Variants in CDH13 observed in about 807,000 individuals in gnomAD.
CDH13 encodes the protein cadherin 13.
In CDH13, 24 loss-of-function variants were observed where a neutral mutation model predicts 63.8. The observed-to-expected ratio is 0.38, with a 90% CI of 0.27 to 0.53. The LOEUF (loss-of-function observed/expected upper bound fraction) is 0.53, where lower values mean the gene tolerates loss of function less well. Among genes scored for constraint, CDH13 ranks in the 20% least tolerant of loss-of-function variants. CDH13 has a pLI of 0.85. For synonymous variants in CDH13, 503 were observed against 355.3 expected (o/e 1.42, Z -4.67); for missense variants, 1,049 against 903.1 (o/e 1.16, Z -2.07).
chr16:83,265,923 T>C (rs1195116669), intron 5 of CDH13, among the ~76,000 whole-genome samples: 1 of 151,634 alleles, frequency 6.6e-6, no homozygotes, highest in Non-Finnish European at 1.5e-5. Context: ...GTATCTGTAG[T>C]TATTTTCGGT....
chr16:83,280,397 A>G (rs551469946), intron 5 of CDH13, among the ~76,000 whole-genome samples: 35 of 152,180 alleles, frequency 2.3e-4, no homozygotes, highest in Non-Finnish European at 4.1e-4. Flanking sequence ...TTATGATGAG[A>G]TGGCAGGAAT....
intron 11 of CDH13, among the ~76,000 whole-genome samples, chr16:83,755,865 A>G (rs1913469331): frequency 6.6e-6 from 1 of 152,250 alleles, no homozygotes; most frequent in Admixed American, 6.5e-5. Flanking sequence ...AGAAACATAA[A>G]TAAAAATAGA....
At chr16:83,391,210 C>CTTT (rs372320805) in intron 6 of CDH13, among the ~76,000 whole-genome samples, 2 of 144,556 alleles carry the variant, frequency 1.4e-5, no homozygotes, top group African/African-American at 2.5e-5. Context: ...TGCCTACACA[C>CTTT]TTTTTTTTTT....
intron 6 of CDH13, among the ~76,000 whole-genome samples, chr16:83,405,876 G>GC (rs35706675): frequency 0.57 from 86,982 of 151,816 alleles, 25,803 homozygotes; most frequent in East Asian, 0.82. Context: ...AAATATAGCT[G>GC]CTTAGTTAAA....
chr16:83,405,145 A>G (rs1032150233), intron 6 of CDH13, among the ~76,000 whole-genome samples: 3 of 152,220 alleles, frequency 2.0e-5, no homozygotes, highest in African/African-American at 7.2e-5. Flanking sequence ...AAAAAAAAAA[A>G]AAATCTTAAC....
At chr16:83,434,937 TTTTA>T (rs1160373909) in intron 6 of CDH13, among the ~76,000 whole-genome samples, 13 of 146,262 alleles carry the variant, frequency 8.9e-5, no homozygotes, top group African/African-American at 1.5e-4. Flanking sequence ...TATAAATATA[TTTTA>T]TTTATATATA....
At chr16:82,828,664 G>A (rs71402038) in intron 1 of CDH13, among the ~76,000 whole-genome samples, 22,908 of 133,502 alleles carry the variant, frequency 0.17, 2,397 homozygotes, top group Non-Finnish European at 0.25. Flanking sequence ...GTGTGTGTGT[G>A]TATATATATA....
At chr16:82,777,463 C>G (rs2035550956) in intron 1 of CDH13, among the ~76,000 whole-genome samples, 1 of 152,286 alleles carries the variant, frequency 6.6e-6, no homozygotes, top group East Asian at 1.9e-4. Flanking sequence ...ATGGTGCCTC[C>G]AAGAGTTGTG....
At chr16:83,513,274 C>T (rs559023945) in intron 7 of CDH13, among the ~76,000 whole-genome samples, 2 of 152,236 alleles carry the variant, frequency 1.3e-5, no homozygotes, top group Admixed American at 6.5e-5. Context: ...TGACTCAGCC[C>T]CTGACCACAG....
At chr16:82,812,199 C>T (rs1376217140) in intron 1 of CDH13, among the ~76,000 whole-genome samples, 1 of 152,166 alleles carries the variant, frequency 6.6e-6, no homozygotes, top group Non-Finnish European at 1.5e-5. Flanking sequence ...TCGAAGGATC[C>T]TGTGCATACA....
chr16:82,755,174 A>T (rs968969291), intron 1 of CDH13, among the ~76,000 whole-genome samples: 3 of 152,180 alleles, frequency 2.0e-5, no homozygotes, highest in African/African-American at 7.2e-5. Flanking sequence ...ACTGTATAGA[A>T]AATTTGCCAG....
chr16:82,715,141 C>G (rs943691533), intron 1 of CDH13, among the ~76,000 whole-genome samples: 6 of 150,962 alleles, frequency 4.0e-5, no homozygotes, highest in African/African-American at 1.5e-4. Context: ...GTTATTAACT[C>G]ACTCAGTTCA....
chr16:83,357,235 C>G (rs1274620000), intron 6 of CDH13, among the ~76,000 whole-genome samples: 1 of 152,120 alleles, frequency 6.6e-6, no homozygotes, highest in African/African-American at 2.4e-5. Context: ...GCAATTTTAC[C>G]CTCTATCTAG....
chr16:83,417,443 A>G (rs1308873200), intron 6 of CDH13, among the ~76,000 whole-genome samples: 1 of 151,966 alleles, frequency 6.6e-6, no homozygotes, highest in Non-Finnish European at 1.5e-5. Context: ...TGTCCTCTTT[A>G]TCTTAACCTG....
chr16:82,818,387 C>A (rs535378957), intron 1 of CDH13, among the ~76,000 whole-genome samples: 1 of 152,018 alleles, frequency 6.6e-6, no homozygotes, highest in African/African-American at 2.4e-5. Flanking sequence ...AGAAAGAGAG[C>A]AAAGCAACAA....
chr16:82,767,651 G>A (rs1272991233), intron 1 of CDH13, among the ~76,000 whole-genome samples: 1 of 152,072 alleles, frequency 6.6e-6, no homozygotes, highest in Non-Finnish European at 1.5e-5. Context: ...CTGGACTCTG[G>A]CTGTTCATAT....
chr16:83,552,821 C>T (rs1044918485), intron 7 of CDH13, among the ~76,000 whole-genome samples: 1 of 152,190 alleles, frequency 6.6e-6, no homozygotes, highest in African/African-American at 2.4e-5. Flanking sequence ...GTGGCTCACA[C>T]CTGTAATCCA....
intron 5 of CDH13, among the ~76,000 whole-genome samples, chr16:83,336,779 T>C (rs1321110839): frequency 6.6e-6 from 1 of 152,240 alleles, no homozygotes. Context: ...CCATGGACTG[T>C]GTGTCATGCT....
chr16:83,064,483 C>G (rs2031840056), intron 3 of CDH13, among the ~76,000 whole-genome samples: 1 of 152,032 alleles, frequency 6.6e-6, no homozygotes, highest in Admixed American at 6.6e-5. Flanking sequence ...GTTCTGCTAG[C>G]CATATTTAAA....
Sources: gnomAD v4.1 joint callset for allele counts (sites outside exome capture counted in the v4.1 genomes callset) on GRCh38, gnomAD v4.1.1 for gene constraint, MANE v1.5 for transcripts, NCBI Gene and HGNC (gene_info 2026-07-23, HGNC 2026-07-21) for gene names.